The following SPOCK1 variants were observed in gnomAD, a reference collection of about 807,000 sequenced individuals.
SPOCK1 encodes the protein SPARC (osteonectin), cwcv and kazal like domains proteoglycan 1, also known as testican-1.
Under a neutral mutation model 55.3 loss-of-function variants are expected in SPOCK1, and 23 were observed. The ratio of observed to expected loss-of-function variants is 0.42; its 90% CI spans 0.30 to 0.59. The LOEUF (loss-of-function observed/expected upper bound fraction) is 0.59, where lower values mean the gene tolerates loss of function less well. SPOCK1 is among the 20% of genes least tolerant of loss of function. SPOCK1 has a pLI of 0.22. For synonymous variants in SPOCK1, 226 were observed against 221.0 expected, an observed-to-expected ratio of 1.02 and a Z score of -0.20; for missense variants, 499 against 552.5, an observed-to-expected ratio of 0.90 and a Z score of 0.97.
At chr5:137,359,077 G>A (rs1477279487) in intron 2 of SPOCK1, among the ~76,000 whole-genome samples, 2 of 152,200 alleles carry the variant, frequency 1.3e-5, no homozygotes, top group Non-Finnish European at 2.9e-5. Context: ...TGGGGAGTCT[G>A]TGAAATAAGA....
intron 2 of SPOCK1, among the ~76,000 whole-genome samples, chr5:137,413,037 A>T (rs1195974117): frequency 1.3e-5 from 2 of 152,302 alleles, no homozygotes; most frequent in East Asian, 3.9e-4. Context: ...TATTTTTATA[A>T]AATCTTAAAA....
chr5:137,322,348 A>AAC (rs35930755), intron 2 of SPOCK1, among the ~76,000 whole-genome samples: 6,255 of 144,968 alleles, frequency 0.043, 157 homozygotes, highest in African/African-American at 0.054. Flanking sequence ...AAAAAAAAAA[A>AAC]ACACACACAC....
At chr5:137,066,555 C>A (rs1247275323) in intron 6 of SPOCK1, among the ~76,000 whole-genome samples, 1 of 152,194 alleles carries the variant, frequency 6.6e-6, no homozygotes, top group Non-Finnish European at 1.5e-5. Context: ...AGTTAATTTT[C>A]TGGGCTACGT....
intron 8 of SPOCK1, among the ~76,000 whole-genome samples, chr5:136,985,961 C>G (rs979938605): frequency 6.6e-6 from 1 of 152,132 alleles, no homozygotes; most frequent in African/African-American, 2.4e-5. Context: ...CAGAGGAGTT[C>G]TGGTTCTCTG....
At chr5:137,449,886 CAAAAAAAAAAAAAAA>C (rs562723108) in intron 2 of SPOCK1, among the ~76,000 whole-genome samples, 3 of 52,908 alleles carry the variant, frequency 5.7e-5, no homozygotes, top group East Asian at 6.8e-4. Context: ...GATGCTGTCT[CAAAAAAAAAAAAAAA>C]AAAAAAAAAA....
At position 137,356,798 on chromosome 5, in the gene SPOCK1, AATATATATATATATATAT is replaced by A. The variant is rs1191051173; in HGVS notation, c.187-89761_187-89744del. ...AGAGCAAGACTGTCTCAAAAAAAATAATATATATATATATATATATATATATATATATATATATATAGA... is the reference window on the plus strand; with the variant it reads ...AGAGCAAGACTGTCTCAAAAAAAATAATATATATATATATATATATATAGA... On this transcript the variant is annotated intron_variant, in intron 2 of 10. Transcript: ENST00000394945. Among the ~76,000 whole-genome samples the A allele has an allele frequency of 1.2e-3, 17 of 13,744 alleles. 1 individual carries two copies. Among genetic ancestry groups the A allele is most frequent in the African/African-American group, 3.5e-3 (10 of 2,818 alleles). The allele number at this position is 13,744 out of a possible 152,430, so 9.0% of individuals were successfully genotyped here. A position where few individuals can be genotyped will look rare whatever the true frequency, so the allele number is the denominator to read the frequency against.
chr5:137,011,702 T>TTA (rs1301724157), intron 6 of SPOCK1, among the ~76,000 whole-genome samples: 1 of 152,196 alleles, frequency 6.6e-6, no homozygotes, highest in African/African-American at 2.4e-5. Flanking sequence ...AAGAGCAACC[T>TTA]TATAAGCCAC....
chr5:137,096,894 T>C (rs1753158576), intron 5 of SPOCK1, among the ~76,000 whole-genome samples: 1 of 152,074 alleles, frequency 6.6e-6, no homozygotes, highest in South Asian at 2.1e-4. Flanking sequence ...ACTCTATGAG[T>C]CAGGGTGATG....
rs781385291 is a variant in SPOCK1, at chr5:136,988,716, T to G, written c.707-73A>C. 211 of 1,440,598 alleles carry G rather than the reference T, an allele frequency of 1.5e-4. 1 individual carries two copies. The highest frequency in any genetic ancestry group is 8.6e-4 in the Admixed American group (41 of 47,640). 89.2% of individuals were successfully genotyped at this position (1,440,598 alleles called of 1,614,324 possible). ...CCTCCCTGCTCACTCCCCAGCTTTC[T>G]GCCCCAAGAAGATGCCAAGGCCCAC... On this transcript the variant is annotated intron_variant, in intron 7 of 10. Coordinates refer to ENST00000394945, the MANE Select transcript of SPOCK1 (RefSeq NM_004598.4).
intron 3 of SPOCK1, among the ~76,000 whole-genome samples, chr5:137,236,514 T>G (rs1756184620): frequency 6.6e-6 from 1 of 152,172 alleles, no homozygotes; most frequent in African/African-American, 2.4e-5. Context: ...CTGCTTAAAC[T>G]CTCCCTGTAG....
At chr5:137,444,496 G>C (rs1003154348) in intron 2 of SPOCK1, among the ~76,000 whole-genome samples, 2 of 152,166 alleles carry the variant, frequency 1.3e-5, no homozygotes, top group African/African-American at 4.8e-5. Context: ...GATGTGCTAA[G>C]TCACAGCAGA....
At chr5:137,406,187 A>T (rs1426788566) in intron 2 of SPOCK1, among the ~76,000 whole-genome samples, 4 of 152,224 alleles carry the variant, frequency 2.6e-5, no homozygotes, top group Non-Finnish European at 4.4e-5. Flanking sequence ...GCATCCAGAC[A>T]GGGGCAGCCT....
intron 3 of SPOCK1, among the ~76,000 whole-genome samples, chr5:137,186,395 C>T (rs1755070241): frequency 6.6e-6 from 1 of 152,170 alleles, no homozygotes; most frequent in Admixed American, 6.5e-5. Flanking sequence ...AGGGCTAGGA[C>T]TGCTCCTGCT....
chr5:137,311,031 G>A (rs796927399), intron 2 of SPOCK1, among the ~76,000 whole-genome samples: 2 of 152,168 alleles, frequency 1.3e-5, no homozygotes, highest in South Asian at 4.1e-4. Flanking sequence ...GCAAACCTCC[G>A]GAAGGCCAGT....
intron 6 of SPOCK1, among the ~76,000 whole-genome samples, chr5:137,041,519 C>T (rs1211949557): frequency 3.9e-5 from 6 of 151,984 alleles, no homozygotes; most frequent in Non-Finnish European, 7.4e-5. Flanking sequence ...GTTAAGAGAA[C>T]CAAAAAGCAA....
chr5:137,003,444 G>A (rs1182706035), intron 6 of SPOCK1, among the ~76,000 whole-genome samples: 5 of 152,212 alleles, frequency 3.3e-5, no homozygotes, highest in African/African-American at 1.2e-4. Context: ...TATTTGTTCT[G>A]CATATCTGTT....
chr5:137,397,305 G>T (rs778446710), intron 2 of SPOCK1, among the ~76,000 whole-genome samples: 6 of 152,176 alleles, frequency 3.9e-5, no homozygotes, highest in Non-Finnish European at 7.4e-5. Context: ...TTGAGGACTG[G>T]GTATGTGTGG....
intron 2 of SPOCK1, among the ~76,000 whole-genome samples, chr5:137,376,337 C>T (rs1751314467): frequency 6.6e-6 from 1 of 152,230 alleles, no homozygotes; most frequent in African/African-American, 2.4e-5. Flanking sequence ...TCTTGTGCTA[C>T]CCTGCCTATT....
intron 3 of SPOCK1, among the ~76,000 whole-genome samples, chr5:137,170,557 G>C (rs1041882821): frequency 6.6e-6 from 1 of 150,586 alleles, no homozygotes; most frequent in East Asian, 2.0e-4. Context: ...GCTCTTATAA[G>C]AATAGGAGAG....
Sources: allele counts gnomAD v4.1 joint callset (sites outside exome capture counted in the v4.1 genomes callset), GRCh38; gene constraint gnomAD v4.1.1; transcripts MANE v1.5; gene names NCBI Gene and HGNC (gene_info 2026-07-23, HGNC 2026-07-21).